The following CFAP91 variants were observed in gnomAD, a reference collection of about 807,000 sequenced individuals.
CFAP91 encodes cilia and flagella associated protein 91.
In CFAP91, 85 loss-of-function variants were observed where a neutral mutation model predicts 95.9. The ratio of observed to expected loss-of-function variants is 0.89; its 90% CI spans 0.74 to 1.06. The LOEUF is 1.06. Among genes scored for constraint, CFAP91 ranks in the 50% least tolerant of loss-of-function variants. The pLI, the probability that CFAP91 is intolerant of heterozygous loss-of-function variation, is 0.00. For missense variants in CFAP91, 962 were observed against 943.4 expected, an observed-to-expected ratio of 1.02 and a Z score of -0.26; for synonymous variants, 335 against 327.5, an observed-to-expected ratio of 1.02 and a Z score of -0.25.
At chr3:119,729,653 A>AAG (rs1228726091) in intron 7 of CFAP91, among the ~76,000 whole-genome samples, 8 of 152,138 alleles carry the variant, frequency 5.3e-5, no homozygotes, top group African/African-American at 1.9e-4. Context: ...CAAAAAAAAA[A>AAG]AAAGAAAGAA....
intron 17 of CFAP91, among the ~76,000 whole-genome samples, chr3:119,757,752 G>A (rs574855112): frequency 5.9e-5 from 9 of 152,216 alleles, no homozygotes; most frequent in African/African-American, 1.9e-4. Flanking sequence ...ACTACAGAAT[G>A]CATATTCTTG....
chr3:119,714,822 A>G (rs759862351), intron 5 of CFAP91, among the ~76,000 whole-genome samples: 3 of 152,224 alleles, frequency 2.0e-5, no homozygotes, highest in Non-Finnish European at 4.4e-5. Context: ...ACTTACCCTC[A>G]ATTCTATTGA....
chr3:119,753,571 T>G (rs1418179001), intron 17 of CFAP91, among the ~76,000 whole-genome samples: 1 of 152,188 alleles, frequency 6.6e-6, no homozygotes, highest in East Asian at 1.9e-4. Flanking sequence ...TTCAGGTACG[T>G]GAGGAGACAT....
chr3:119,756,206 G>A (rs1318892367), intron 17 of CFAP91, among the ~76,000 whole-genome samples: 1 of 152,004 alleles, frequency 6.6e-6, no homozygotes, highest in Non-Finnish European at 1.5e-5. Context: ...AGAGAAAAAC[G>A]ATAAATTACC....
chr3:119,744,579 T>A (rs2054187274), intron 14 of CFAP91, among the ~76,000 whole-genome samples: 1 of 151,746 alleles, frequency 6.6e-6, no homozygotes, highest in Admixed American at 6.6e-5. Context: ...AAGGCCAGAG[T>A]GAGAGACAGG....
At chr3:119,755,530 A>G (rs973740312) in intron 17 of CFAP91, among the ~76,000 whole-genome samples, 4 of 151,988 alleles carry the variant, frequency 2.6e-5, no homozygotes, top group African/African-American at 9.7e-5. Context: ...CTCTTCCTCC[A>G]TCTTCAATGT....
intron 6 of CFAP91, among the ~76,000 whole-genome samples, chr3:119,716,753 A>AT (rs938968648): frequency 6.6e-6 from 1 of 152,054 alleles, no homozygotes; most frequent in Admixed American, 6.6e-5. Context: ...CACCTGGCTA[A>AT]TTTTTTTATT....
chr3:119,716,792 G>A (rs112180098), intron 6 of CFAP91, among the ~76,000 whole-genome samples: 13,664 of 151,934 alleles, frequency 0.09, 699 homozygotes, highest in Non-Finnish European at 0.12. Context: ...GGGTTTCACC[G>A]TGTTAGCCAG....
chr3:119,744,979 GCTAC>G, intron 14 of CFAP91, among the ~76,000 whole-genome samples: 1 of 152,244 alleles, frequency 6.6e-6, no homozygotes, highest in African/African-American at 2.4e-5. Context: ...GAACAGAGGA[GCTAC>G]TATACACAAA....
intron 5 of CFAP91, 88 bp from the exon 6 acceptor site, chr3:119,715,474 A>G: frequency 9.0e-7 from 1 of 1,116,472 alleles, no homozygotes; most frequent in South Asian, 1.3e-5. Flanking sequence ...GACTTGACAA[A>G]GCTTCGAAGA....
chr3:119,743,271 C>A lies in CFAP91; in HGVS notation c.1681-704C>A, dbSNP rs138314874. 1.0e-3 allele frequency among the ~76,000 whole-genome samples: 159 copies of A among 152,020 alleles called. 1 individual carries two copies. Among genetic ancestry groups the A allele is most frequent in the African/African-American group, 3.5e-3 (146 of 41,396 alleles). On this transcript the variant is annotated intron_variant, in intron 13 of 17. Coordinates refer to ENST00000273390, the MANE Select transcript of CFAP91 (RefSeq NM_033364.4). Reference sequence around the variant, plus strand: ...TAGCTGGGATTACAGGCACGCACCACCACGACTGGCTAATTTTTGTATTTT... The same window carrying A: ...TAGCTGGGATTACAGGCACGCACCAACACGACTGGCTAATTTTTGTATTTT...
At chr3:119,728,386 C>T (rs1314789398) in intron 7 of CFAP91, among the ~76,000 whole-genome samples, 1 of 152,170 alleles carries the variant, frequency 6.6e-6, no homozygotes, top group Non-Finnish European at 1.5e-5. Flanking sequence ...AGAACCTGCC[C>T]TCCAGATTAT....
At chr3:119,739,845 A>G (rs2054083146) in intron 12 of CFAP91, among the ~76,000 whole-genome samples, 1 of 151,982 alleles carries the variant, frequency 6.6e-6, no homozygotes, top group Non-Finnish European at 1.5e-5. Flanking sequence ...TTTCCTATCC[A>G]TAATCTCATT....
At chr3:119,740,874 T>TGTGA (rs1034590450) in intron 13 of CFAP91, 179 bp downstream of exon 13, 11 of 698,186 alleles carry the variant, frequency 1.6e-5, no homozygotes, top group African/African-American at 1.8e-5. Flanking sequence ...TGTGTGTGTG[T>TGTGA]GATGGAGTTT....
At chr3:119,759,628 T>C (rs1202459571) in intron 17 of CFAP91, among the ~76,000 whole-genome samples, 1 of 151,990 alleles carries the variant, frequency 6.6e-6, no homozygotes, top group African/African-American at 2.4e-5. Flanking sequence ...TGTAAATCAC[T>C]TTTTAGTATG....
At position 119,750,213 on chromosome 3, in the gene CFAP91, C is replaced by A. The variant is rs577264872; in HGVS notation, c.2144-724C>A. 3 of 152,300 alleles carry A rather than the reference C, an allele frequency of 2.0e-5. No individual in the cohort carries two copies. In the East Asian group the frequency reaches 5.8e-4, roughly 29 times the overall value. 9.4% of individuals were successfully genotyped at this position (152,300 alleles called of 1,614,324 possible). On this transcript the variant is annotated intron_variant, in intron 16 of 17. Transcript: ENST00000273390. ...TGACTTTATGTAAATTACCTAATATCTCTGTGTCCATGTTTCTTCTTCTGA... is the reference window on the plus strand; with the variant it reads ...TGACTTTATGTAAATTACCTAATATATCTGTGTCCATGTTTCTTCTTCTGA...
chr3:119,706,963 C>A, intron 2 of CFAP91, 78 bp downstream of exon 2: 2 of 1,095,412 alleles, frequency 1.8e-6, no homozygotes, highest in South Asian at 1.3e-5. Flanking sequence ...ATCAGATTGA[C>A]TAATCACCAA....
intron 4 of CFAP91, among the ~76,000 whole-genome samples, 193 bp from the exon 5 acceptor site, chr3:119,709,646 C>G (rs1305687887): frequency 6.6e-6 from 1 of 152,164 alleles, no homozygotes; most frequent in Non-Finnish European, 1.5e-5. Flanking sequence ...TGGGCCAGAC[C>G]TGGGAATCTG....
At chr3:119,711,668 T>C (rs2053475995) in intron 5 of CFAP91, among the ~76,000 whole-genome samples, 1 of 152,198 alleles carries the variant, frequency 6.6e-6, no homozygotes, top group African/African-American at 2.4e-5. Flanking sequence ...AATTCCAGTA[T>C]GTTTGAGTTT....
Sources: gnomAD v4.1 joint callset for allele counts (sites outside exome capture counted in the v4.1 genomes callset) on GRCh38, gnomAD v4.1.1 for gene constraint, MANE v1.5 for transcripts, NCBI Gene and HGNC (gene_info 2026-07-23, HGNC 2026-07-21) for gene names.